ERBIN: variants seen among roughly 807,000 people sequenced by gnomAD.
ERBIN encodes erbb2 interacting protein.
ERBIN carries 60 observed loss-of-function variants against 158.4 expected under a neutral mutation model. The ratio of observed to expected loss-of-function variants is 0.38; its 90% confidence interval spans 0.31 to 0.47. ERBIN has a LOEUF of 0.47. Among genes scored for constraint, ERBIN ranks in the 20% least tolerant of loss-of-function variants. ERBIN has a pLI of 0.99. For missense variants in ERBIN, 1,610 were observed against 1,648.0 expected, an observed-to-expected ratio of 0.98 and a Z score of 0.40; for synonymous variants, 594 against 557.2, an observed-to-expected ratio of 1.07 and a Z score of -0.93.
chr5:65,991,492 T>G (rs1751863990), intron 2 of ERBIN, among the ~76,000 whole-genome samples: 1 of 152,230 alleles, frequency 6.6e-6, no homozygotes, highest in Admixed American at 6.5e-5. Flanking sequence ...TTAATTTTAT[T>G]TATTCCTAAA....
intron 21 of ERBIN, among the ~76,000 whole-genome samples, chr5:66,062,051 T>G (rs1043769911): frequency 6.6e-6 from 1 of 152,218 alleles, no homozygotes; most frequent in African/African-American, 2.4e-5. Context: ...GGAGTATCTT[T>G]GTGGCGTTCT....
intron 4 of ERBIN, among the ~76,000 whole-genome samples, chr5:66,001,411 C>CT (rs1753001901): frequency 6.6e-6 from 1 of 152,086 alleles, no homozygotes; most frequent in African/African-American, 2.4e-5. Flanking sequence ...TTTAAAAGCA[C>CT]TTGCTTTTAG....
intron 1 of ERBIN, among the ~76,000 whole-genome samples, chr5:65,967,689 C>T (rs1301933550): frequency 1.3e-5 from 2 of 152,192 alleles, no homozygotes; most frequent in Non-Finnish European, 2.9e-5. Flanking sequence ...TTGTTTCTTC[C>T]AACAAAGATG....
intron 14 of ERBIN, among the ~76,000 whole-genome samples, chr5:66,031,552 C>G (rs918272644): frequency 6.6e-6 from 1 of 152,192 alleles, no homozygotes; most frequent in African/African-American, 2.4e-5. Context: ...AGGAACGGGG[C>G]TGGGTATGGT....
At chr5:65,988,150 C>T (rs1751466871) in intron 1 of ERBIN, among the ~76,000 whole-genome samples, 2 of 151,984 alleles carry the variant, frequency 1.3e-5, no homozygotes, top group African/African-American at 2.4e-5. Flanking sequence ...GTGGGAGAAT[C>T]GCTTAAGGCC....
chr5:66,007,490 T>C (rs1368036871), intron 4 of ERBIN, among the ~76,000 whole-genome samples: 1 of 151,388 alleles, frequency 6.6e-6, no homozygotes, highest in Non-Finnish European at 1.5e-5. Flanking sequence ...GGCACATGTA[T>C]ACATATGTAA....
At position 66,062,124 on chromosome 5, in the gene ERBIN, T is replaced by TA. The variant is rs557922589; in HGVS notation, c.3633+7174dup. 6.7e-5 allele frequency among the ~76,000 whole-genome samples: 10 copies of TA among 150,350 alleles called. No homozygotes were observed. In the East Asian group the frequency reaches 1.9e-3, roughly 29 times the overall value. Reference sequence around the variant, plus strand: ...AGATTTGGTTAGTTCTCCTGGATAATATCCTGCAGTGTTTTCCAACTTGGT... The same window carrying TA: ...AGATTTGGTTAGTTCTCCTGGATAATAATCCTGCAGTGTTTTCCAACTTGGT... On this transcript the variant is annotated intron_variant, in intron 21 of 25. Transcript: ENST00000284037.
chr5:65,970,462 A>G (rs1749126066), intron 1 of ERBIN, among the ~76,000 whole-genome samples: 2 of 151,022 alleles, frequency 1.3e-5, no homozygotes, highest in African/African-American at 5.0e-5. Context: ...TCTGCTGGCA[A>G]CACTAACTAC....
intron 21 of ERBIN, among the ~76,000 whole-genome samples, chr5:66,060,587 G>A (rs1427340939): frequency 6.6e-6 from 1 of 152,084 alleles, no homozygotes; most frequent in Non-Finnish European, 1.5e-5. Context: ...GCTAGTTTTT[G>A]AATGTGTTTG....
At chr5:66,055,055 C>T (rs1759455955) in intron 21 of ERBIN, 104 bp downstream of exon 21, 1 of 1,431,062 alleles carries the variant, frequency 7.0e-7, no homozygotes. Flanking sequence ...TCTTTATATT[C>T]TAGGTGTTTT....
chr5:66,021,531 TTCCAGACAGATAGAAAAATTA>T (rs1394823632), intron 8 of ERBIN, 146 bp downstream of exon 8: 1 of 535,982 alleles, frequency 1.9e-6, no homozygotes, highest in Non-Finnish European at 3.2e-6. Context: ...AGCCAGAACT[TTCCAGACAGATAGAAAAATTA>T]ACCAGACAGA....
chr5:65,939,293 C>A (rs898907182), intron 1 of ERBIN, among the ~76,000 whole-genome samples: 1 of 152,126 alleles, frequency 6.6e-6, no homozygotes, highest in Non-Finnish European at 1.5e-5. Context: ...GAAAATTAGC[C>A]GAGTGTGGTG....
chr5:66,056,811 T>C (rs961255896), intron 21 of ERBIN, among the ~76,000 whole-genome samples: 2 of 151,450 alleles, frequency 1.3e-5, no homozygotes, highest in African/African-American at 4.8e-5. Context: ...TTGCCCAGAC[T>C]CCTGCCTTCC....
intron 18 of ERBIN, among the ~76,000 whole-genome samples, chr5:66,048,194 A>G (rs72770218): frequency 0.073 from 11,156 of 151,950 alleles, 603 homozygotes; most frequent in Non-Finnish European, 0.1. Context: ...ATGTTACTGA[A>G]TAAGTCAGAG....
chr5:66,011,295 A>G (rs1179484370), intron 4 of ERBIN, among the ~76,000 whole-genome samples: 3 of 152,180 alleles, frequency 2.0e-5, no homozygotes, highest in Non-Finnish European at 2.9e-5. Context: ...ATCCACTGGC[A>G]TATCTGATGT....
chr5:66,055,449 T>C (rs1759493756), intron 21 of ERBIN, among the ~76,000 whole-genome samples: 3 of 152,224 alleles, frequency 2.0e-5, no homozygotes, highest in African/African-American at 7.2e-5. Flanking sequence ...TCTTAACTTT[T>C]CTGAATTTCT....
intron 1 of ERBIN, among the ~76,000 whole-genome samples, chr5:65,963,783 CTTTCT>C (rs1002015981): frequency 6.9e-5 from 9 of 129,598 alleles, no homozygotes; most frequent in African/African-American, 2.2e-4. Context: ...TGACTATTTT[CTTTCT>C]TTTCTTTTTT....
At chr5:65,946,872 C>T (rs1284542013) in intron 1 of ERBIN, among the ~76,000 whole-genome samples, 1 of 150,782 alleles carries the variant, frequency 6.6e-6, no homozygotes, top group Non-Finnish European at 1.5e-5. Flanking sequence ...TTAGCCTTTT[C>T]CTAATGGCTA....
chr5:66,040,160 A>G (rs576873018), intron 15 of ERBIN, among the ~76,000 whole-genome samples: 2 of 152,018 alleles, frequency 1.3e-5, no homozygotes, highest in Non-Finnish European at 3.0e-5. Flanking sequence ...TAATCCTCCA[A>G]AATAGATGCT....
Sources: gnomAD v4.1 joint callset for allele counts (sites outside exome capture counted in the v4.1 genomes callset) on GRCh38, gnomAD v4.1.1 for gene constraint, MANE v1.5 for transcripts, NCBI Gene and HGNC (gene_info 2026-07-23, HGNC 2026-07-21) for gene names.